The following TMEM217B variants were observed in gnomAD, a reference collection of about 807,000 sequenced individuals.
TMEM217B encodes transmembrane protein 217B, also known as putative transmembrane protein 217B.
At chr6:37,214,599 C>T in the TMEM217B span, among the ~76,000 whole-genome samples, 2 of 152,194 alleles carry the variant, frequency 1.3e-5, no homozygotes, top group Non-Finnish European at 2.9e-5. Flanking sequence ...CCATTCTCCT[C>T]TTCCCCCGCT....
At chr6:37,245,803 TC>T in the TMEM217B span, among the ~76,000 whole-genome samples, 28 of 36,896 alleles carry the variant, frequency 7.6e-4, no homozygotes, top group African/African-American at 2.0e-3. Context: ...TTTCTTTCTT[TC>T]TTTTTTTTTT....
the TMEM217B span, among the ~76,000 whole-genome samples, chr6:37,221,093 G>A: frequency 1.3e-5 from 2 of 151,786 alleles, no homozygotes; most frequent in Non-Finnish European, 2.9e-5. Context: ...ATTAAGCAAC[G>A]AATTCCCATT....
the TMEM217B span, among the ~76,000 whole-genome samples, chr6:37,213,721 T>A: frequency 6.6e-6 from 1 of 152,252 alleles, no homozygotes; most frequent in Non-Finnish European, 1.5e-5. Flanking sequence ...GAGCCGACCC[T>A]GCTGAGGGCA....
chr6:37,215,105 C>G, the TMEM217B span: 1 of 1,527,448 alleles, frequency 6.5e-7, no homozygotes, highest in Non-Finnish European at 8.9e-7. Flanking sequence ...CCACCCTCGG[C>G]ACCTCTCTCT....
the TMEM217B span, among the ~76,000 whole-genome samples, chr6:37,234,804 G>A: frequency 1.3e-5 from 2 of 151,800 alleles, no homozygotes; most frequent in Non-Finnish European, 2.9e-5. Context: ...AAATAGGAGG[G>A]GAAATAGAAG....
At chr6:37,234,509 T>C in the TMEM217B span, among the ~76,000 whole-genome samples, 8 of 152,164 alleles carry the variant, frequency 5.3e-5, no homozygotes, top group African/African-American at 1.9e-4. Flanking sequence ...AATCTTGATA[T>C]AGCCACTAGT....
the TMEM217B span, among the ~76,000 whole-genome samples, chr6:37,230,191 A>G: frequency 6.6e-6 from 1 of 152,182 alleles, no homozygotes; most frequent in Non-Finnish European, 1.5e-5. Context: ...GTCACAATTC[A>G]CTGCCTCTAA....
chr6:37,257,505 A>C, the TMEM217B span: 1 of 196,486 alleles, frequency 5.1e-6, no homozygotes, highest in African/African-American at 2.4e-5. Flanking sequence ...TATTAGACTA[A>C]GGAACTTCAT....
At chr6:37,233,708 C>T in the TMEM217B span, among the ~76,000 whole-genome samples, 1 of 152,194 alleles carries the variant, frequency 6.6e-6, no homozygotes, top group Non-Finnish European at 1.5e-5. Flanking sequence ...AGTCCAAAAA[C>T]CATCACGTCT....
the TMEM217B span, among the ~76,000 whole-genome samples, chr6:37,240,975 A>T: frequency 3.9e-5 from 6 of 152,252 alleles, 1 homozygote; most frequent in Non-Finnish European, 5.9e-5. Flanking sequence ...AACATTTATG[A>T]AGTATTTGTT....
chr6:37,227,320 T>G, the TMEM217B span, among the ~76,000 whole-genome samples: 1 of 152,256 alleles, frequency 6.6e-6, no homozygotes, highest in Non-Finnish European at 1.5e-5. Flanking sequence ...AGGGCCATTA[T>G]GTTCCTTTCT....
chr6:37,228,152 T>C, the TMEM217B span, among the ~76,000 whole-genome samples: 1 of 152,086 alleles, frequency 6.6e-6, no homozygotes, highest in Admixed American at 6.6e-5. Flanking sequence ...TCCCAACTAC[T>C]TGAGAGGCTA....
the TMEM217B span, among the ~76,000 whole-genome samples, chr6:37,232,390 GTTTTC>G: frequency 2.6e-5 from 4 of 151,956 alleles, no homozygotes; most frequent in Admixed American, 6.5e-5. Context: ...GTTTTGTTTT[GTTTTC>G]TTTTTTTTGA....
chr6:37,241,703 C>A, the TMEM217B span, among the ~76,000 whole-genome samples: 1 of 151,984 alleles, frequency 6.6e-6, no homozygotes, highest in East Asian at 1.9e-4. Context: ...AATATCCAGG[C>A]CAATTTAATT....
At chr6:37,249,636 T>C in the TMEM217B span, among the ~76,000 whole-genome samples, 1 of 152,208 alleles carries the variant, frequency 6.6e-6, no homozygotes, top group Non-Finnish European at 1.5e-5. Flanking sequence ...AAGATTTCTA[T>C]GTGACTGAAC....
chr6:37,220,048 A>G, the TMEM217B span, among the ~76,000 whole-genome samples: 1 of 152,336 alleles, frequency 6.6e-6, no homozygotes, highest in African/African-American at 2.4e-5. Context: ...TAAGTATTCA[A>G]CTCAAGAAGT....
chr6:37,226,708 C>A, the TMEM217B span, among the ~76,000 whole-genome samples: 1 of 152,052 alleles, frequency 6.6e-6, no homozygotes, highest in South Asian at 2.1e-4. Context: ...ATTACAGGCG[C>A]GTGCAACCAC....
At chr6:37,233,519 T>C in the TMEM217B span, among the ~76,000 whole-genome samples, 2 of 152,348 alleles carry the variant, frequency 1.3e-5, no homozygotes, top group South Asian at 2.1e-4. Flanking sequence ...GGCAGCTCTC[T>C]GAATCCTCTT....
At chr6:37,248,336 T>C in the TMEM217B span, among the ~76,000 whole-genome samples, 1 of 152,206 alleles carries the variant, frequency 6.6e-6, no homozygotes, top group South Asian at 2.1e-4. Context: ...GAAGAATTAA[T>C]TTCTATCTAC....
Sources: allele counts gnomAD v4.1 joint callset (sites outside exome capture counted in the v4.1 genomes callset), GRCh38; gene constraint gnomAD v4.1.1; transcripts MANE v1.5; gene names NCBI Gene and HGNC (gene_info 2026-07-23, HGNC 2026-07-21).